The following CDH13 variants were observed in gnomAD, a reference collection of about 807,000 sequenced individuals.
CDH13 encodes the protein cadherin 13, also known as cadherin-13.
CDH13 carries 24 observed loss-of-function variants against 63.8 expected under a neutral mutation model. That is an observed-to-expected ratio of 0.38 (90% CI 0.27 to 0.53). CDH13 has a LOEUF of 0.53. Ranked by LOEUF, CDH13 falls within the 20% of genes least tolerant of loss-of-function variation. CDH13 has a pLI of 0.85. For synonymous variants in CDH13, 503 were observed against 355.3 expected, an observed-to-expected ratio of 1.42 and a Z score of -4.67; for missense variants, 1,049 against 903.1, an observed-to-expected ratio of 1.16 and a Z score of -2.07.
intron 3 of CDH13, among the ~76,000 whole-genome samples, chr16:83,106,090 T>A (rs13330930): frequency 0.026 from 4,008 of 152,354 alleles, 180 homozygotes; most frequent in African/African-American, 0.092. Context: ...ACAGGACTTT[T>A]AAAATGTTCA....
chr16:83,513,305 G>A (rs1371690275), intron 7 of CDH13, among the ~76,000 whole-genome samples: 1 of 152,104 alleles, frequency 6.6e-6, no homozygotes, highest in Non-Finnish European at 1.5e-5. Flanking sequence ...AGAGAGGCAG[G>A]CATCATGGGA....
At chr16:82,945,072 A>T (rs1597265264) in intron 2 of CDH13, among the ~76,000 whole-genome samples, 1 of 152,234 alleles carries the variant, frequency 6.6e-6, no homozygotes, top group Admixed American at 6.5e-5. Context: ...AACAGTCATT[A>T]TACTTTTTGT....
At chr16:83,776,818 G>A (rs1597215558) in intron 11 of CDH13, among the ~76,000 whole-genome samples, 2 of 152,042 alleles carry the variant, frequency 1.3e-5, no homozygotes, top group East Asian at 1.9e-4. Flanking sequence ...TAAACTTTGG[G>A]GTCTCTCAGG....
intron 1 of CDH13, among the ~76,000 whole-genome samples, chr16:82,795,254 G>A (rs1172772453): frequency 6.6e-6 from 1 of 152,224 alleles, no homozygotes; most frequent in Non-Finnish European, 1.5e-5. Flanking sequence ...GACATGGACA[G>A]TTGTCCCAGG....
chr16:83,773,197 A>G, intron 11 of CDH13, among the ~76,000 whole-genome samples: 1 of 152,214 alleles, frequency 6.6e-6, no homozygotes, highest in East Asian at 1.9e-4. Flanking sequence ...AACTAGCAAC[A>G]GGTTGGAAGA....
At chr16:82,809,898 C>T (rs1246065934) in intron 1 of CDH13, among the ~76,000 whole-genome samples, 1 of 151,992 alleles carries the variant, frequency 6.6e-6, no homozygotes, top group Non-Finnish European at 1.5e-5. Flanking sequence ...TATAAGGTGC[C>T]TGTTAAGAAA....
At chr16:82,901,411 G>A (rs1023359597) in intron 2 of CDH13, among the ~76,000 whole-genome samples, 1 of 151,246 alleles carries the variant, frequency 6.6e-6, no homozygotes, top group African/African-American at 2.4e-5. Context: ...AGGGATGAGG[G>A]CAAGCTGACC....
intron 5 of CDH13, among the ~76,000 whole-genome samples, chr16:83,264,481 G>T (rs770334755): frequency 6.6e-6 from 1 of 151,688 alleles, no homozygotes; most frequent in Admixed American, 6.6e-5. Flanking sequence ...TATAGTATTT[G>T]TGTGTGTACA....
In CDH13 at chr16:83,032,256, G is replaced by A. The variant is rs143774800; in HGVS notation, c.366+38G>A. 2,133 of 1,520,304 alleles carry A rather than the reference G, an allele frequency of 1.4e-3. 25 individuals are homozygous for A. The African/African-American group carries it at 0.026, about 18-fold the overall frequency. 94.2% of individuals were successfully genotyped at this position (1,520,304 alleles called of 1,614,324 possible). On this transcript the variant is annotated intron_variant, in intron 3 of 13. Transcript: ENST00000567109. ...TTTGAGATAACTTGGGTTCAAGGAG[G>A]ACATTAGGTTCTGTCTGTCTTATGT...
At chr16:83,356,107 C>T (rs4782777) in intron 6 of CDH13, among the ~76,000 whole-genome samples, 28,794 of 151,978 alleles carry the variant, frequency 0.19, 2,940 homozygotes, top group African/African-American at 0.28. Context: ...CACCCACTGT[C>T]CTTTAACTAT....
At chr16:82,803,855 A>T (rs918367187) in intron 1 of CDH13, among the ~76,000 whole-genome samples, 2 of 152,176 alleles carry the variant, frequency 1.3e-5, no homozygotes, top group African/African-American at 2.4e-5. Flanking sequence ...TAAAGCATCA[A>T]TTATATGGGA....
chr16:83,550,616 G>T (rs1226869492), intron 7 of CDH13, among the ~76,000 whole-genome samples: 1 of 152,160 alleles, frequency 6.6e-6, no homozygotes, highest in African/African-American at 2.4e-5. Flanking sequence ...ATGAGGAGGG[G>T]GAAAGATATC....
intron 3 of CDH13, among the ~76,000 whole-genome samples, chr16:83,045,317 A>G (rs376678845): frequency 2.0e-5 from 3 of 152,256 alleles, no homozygotes; most frequent in East Asian, 1.9e-4. Flanking sequence ...GAGATTTCCA[A>G]ATGTAAATGT....
chr16:83,271,522 ACAACAAC>A (rs1567554223), intron 5 of CDH13, among the ~76,000 whole-genome samples: 1 of 149,122 alleles, frequency 6.7e-6, no homozygotes, highest in East Asian at 2.0e-4. Flanking sequence ...AAACAAAACA[ACAACAAC>A]AAAAAAAAAC....
intron 10 of CDH13, among the ~76,000 whole-genome samples, chr16:83,706,995 A>G (rs554954720): frequency 6.6e-6 from 1 of 152,356 alleles, no homozygotes; most frequent in Non-Finnish European, 1.5e-5. Context: ...GGCTACATGA[A>G]GAATGGGGTA....
At chr16:82,898,732 A>G (rs954123964) in intron 2 of CDH13, among the ~76,000 whole-genome samples, 3 of 152,170 alleles carry the variant, frequency 2.0e-5, no homozygotes, top group Non-Finnish European at 4.4e-5. Flanking sequence ...GAAGCAGGGA[A>G]TGGTCTTCCC....
At chr16:83,312,222 G>A (rs2090016766) in intron 5 of CDH13, among the ~76,000 whole-genome samples, 1 of 152,146 alleles carries the variant, frequency 6.6e-6, no homozygotes, top group South Asian at 2.1e-4. Context: ...AGATGAGCCG[G>A]CTCAGTCTGT....
chr16:83,529,650 C>G (rs545775004), intron 7 of CDH13, among the ~76,000 whole-genome samples: 3 of 151,986 alleles, frequency 2.0e-5, no homozygotes, highest in East Asian at 1.9e-4. Context: ...CATGGATGAT[C>G]TGTACTACTG....
intron 1 of CDH13, among the ~76,000 whole-genome samples, chr16:82,799,405 A>T (rs2036744346): frequency 1.3e-5 from 2 of 152,236 alleles, no homozygotes; most frequent in Admixed American, 1.3e-4. Context: ...ATTTACCGTA[A>T]GATGGGCTTT....
Sources: gnomAD v4.1 joint callset for allele counts (sites outside exome capture counted in the v4.1 genomes callset) on GRCh38, gnomAD v4.1.1 for gene constraint, MANE v1.5 for transcripts, NCBI Gene and HGNC (gene_info 2026-07-23, HGNC 2026-07-21) for gene names.